ACBD4: variants seen among roughly 807,000 people sequenced by gnomAD.
The protein encoded by ACBD4 is acyl-CoA binding domain containing 4, also known as acyl-CoA-binding domain-containing protein 4.
In ACBD4, 41 loss-of-function variants were observed where a neutral mutation model predicts 46.0. The observed-to-expected ratio is 0.89, with a 90% confidence interval of 0.69 to 1.16. The LOEUF (loss-of-function observed/expected upper bound fraction) is 1.16. ACBD4 is among the 50% of genes most tolerant of loss of function. The pLI is 0.00. For synonymous variants in ACBD4, 162 were observed against 155.9 expected, an observed-to-expected ratio of 1.04 and a Z score of -0.29; for missense variants, 393 against 399.5, an observed-to-expected ratio of 0.98 and a Z score of 0.14.
At chr17:45,135,124 C>A (rs1043260185), upstream of ACBD4, among the ~76,000 whole-genome samples, 9 of 152,078 alleles carry the variant, frequency 5.9e-5, no homozygotes, top group African/African-American at 2.4e-5. Context: ...CGCCACCACG[C>A]CCGGCTAATT....
At chr17:45,134,505 G>A (rs1263025993), upstream of ACBD4, among the ~76,000 whole-genome samples, 1 of 152,214 alleles carries the variant, frequency 6.6e-6, no homozygotes, top group African/African-American at 2.4e-5. Context: ...GGCCGGGCGC[G>A]GTGGCTCACG....
chr17:45,137,714 C>T lies in ACBD4; in HGVS notation c.503-46C>T, dbSNP rs769572545. On this transcript the variant is annotated intron_variant, in intron 6 of 9. Coordinates refer to ENST00000321854, the MANE Select transcript of ACBD4 (RefSeq NM_001135705.3). ...TGCCCAGTGCACACTCCTGCTCTCC[C>T]TCCACAGCTTCCCTCTGGGCAGTAA... is the stretch of plus-strand genomic sequence containing the variant. 5 of 1,606,130 alleles carry T rather than the reference C, an allele frequency of 3.1e-6. No homozygotes were observed. The African/African-American group carries it at 4.0e-5, about 13-fold the overall frequency.
At chr17:45,137,533 TG>T in intron 6 of ACBD4, 79 bp downstream of exon 6, 1 of 1,517,492 alleles carries the variant, frequency 6.6e-7, no homozygotes, top group Non-Finnish European at 9.1e-7. Flanking sequence ...TGCCACGCTG[TG>T]CCCTCCACAG....
chr17:45,136,213 C>A lies in ACBD4; in HGVS notation c.69C>A (p.Ile23=). 2 of 1,613,508 alleles carry A rather than the reference C, an allele frequency of 1.2e-6. No individual in the cohort carries two copies. Among genetic ancestry groups the A allele is most frequent in the Non-Finnish European group, 1.7e-6 (2 of 1,179,762 alleles). Residue 23 remains isoleucine, a synonymous_variant, in exon 2 of 10, where the codon ATC becomes ATA. Coordinates refer to ENST00000321854, the MANE Select transcript of ACBD4 (RefSeq NM_001135705.3). ...AGTTCCAGGCTGCAGTGAGCGTCAT[C>A]CAGAACCTGCCCAAGAACGGTGAGG... ...QKQFQAAVSV[I]QNLPKNGSYR...
chr17:45,139,602 C>T (rs2055135835), intron 9 of ACBD4, among the ~76,000 whole-genome samples: 1 of 152,194 alleles, frequency 6.6e-6, no homozygotes, highest in Non-Finnish European at 1.5e-5. Flanking sequence ...ATCCTGGGCT[C>T]CTGCAAACTA....
chr17:45,136,920 G>A, intron 4 of ACBD4, 99 bp from the exon 5 acceptor site: 2 of 1,597,018 alleles, frequency 1.3e-6, no homozygotes, highest in Non-Finnish European at 8.6e-7. Context: ...CCTATCTTTG[G>A]CCCCTGACTG....
chr17:45,143,814 C>A lies in ACBD4; in HGVS notation c.*243C>A. 5 of 625,028 alleles carry A rather than the reference C, an allele frequency of 8.0e-6. No homozygotes were observed. Among genetic ancestry groups the A allele is most frequent in the Non-Finnish European group, 1.1e-5 (4 of 368,504 alleles). The allele number at this position is 625,028 out of a possible 1,614,324, so 38.7% of individuals were successfully genotyped here. A position where few individuals can be genotyped will look rare whatever the true frequency, so the allele number is the denominator to read the frequency against. On this transcript the variant is annotated 3_prime_UTR_variant, in exon 10 of 10. Transcript: ENST00000321854. ...CCTGGGAGGCTGCAGTTGTGGTACA[C>A]GTCCCCGGTGCTGGGTTGGCCGTGA...
intron 8 of ACBD4, 138 bp from the exon 9 acceptor site, chr17:45,138,883 G>T: frequency 1.1e-6 from 1 of 889,786 alleles, no homozygotes; most frequent in Non-Finnish European, 1.7e-6. Flanking sequence ...TACATAGATG[G>T]ACTTTGCAAG....
In ACBD4 at chr17:45,136,207, C is replaced by T. The variant is rs1290662508; in HGVS notation, c.63C>T (p.Ser21=). The T allele has an allele frequency of 1.2e-6, 2 of 1,613,552 alleles. No homozygotes were observed. The highest frequency in any genetic ancestry group is 2.2e-5 in the South Asian group (2 of 91,010). ...DCQKQFQAAV[S]VIQNLPKNGS... The stretch of plus-strand genomic sequence containing the variant: ...AGAAACAGTTCCAGGCTGCAGTGAG[C>T]GTCATCCAGAACCTGCCCAAGAACG... Residue 21 remains serine (S), a synonymous_variant, in exon 2 of 10, where the codon AGC becomes AGT. Coordinates refer to ENST00000321854, the MANE Select transcript of ACBD4 (RefSeq NM_001135705.3).
At chr17:45,134,338 G>T (rs1022426129), upstream of ACBD4, among the ~76,000 whole-genome samples, 1 of 152,212 alleles carries the variant, frequency 6.6e-6, no homozygotes, top group East Asian at 1.9e-4. Context: ...TTGGCCGGAT[G>T]CGGTGGCTCA....
chr17:45,141,595 G>A (rs2055275949), intron 9 of ACBD4, among the ~76,000 whole-genome samples: 2 of 152,104 alleles, frequency 1.3e-5, no homozygotes, highest in South Asian at 2.1e-4. Context: ...GGAGATTGAG[G>A]CTGCAGTGAA....
intron 9 of ACBD4, among the ~76,000 whole-genome samples, chr17:45,140,396 T>G (rs1374622254): frequency 2.6e-5 from 4 of 150,952 alleles, no homozygotes; most frequent in Non-Finnish European, 5.9e-5. Context: ...GTCCCCAGGA[T>G]GGTATCAATC....
At chr17:45,132,140 C>T, upstream of ACBD4, 4 of 1,154,080 alleles carry the variant, frequency 3.5e-6, no homozygotes, top group Non-Finnish European at 4.4e-6. The surrounding 1 kb of genome is among the most constrained non-coding windows in gnomAD (Gnocchi z 4.6). Context: ...CCATAGCCTC[C>T]CAGCCCCGTG....
intron 9 of ACBD4, among the ~76,000 whole-genome samples, chr17:45,139,996 G>A (rs987936409): frequency 6.6e-6 from 1 of 152,130 alleles, no homozygotes; most frequent in Non-Finnish European, 1.5e-5. Context: ...AAAGCCTGAG[G>A]TAGTGGGGGC....
Position 45,141,817 on chromosome 17 carries a change from T to C in ACBD4, c.790-1626T>C, listed in dbSNP as rs190215476. Among the ~76,000 whole-genome samples, 44 of 152,234 alleles carry C rather than the reference T, an allele frequency of 2.9e-4. No homozygotes were observed. The East Asian group carries it at 8.1e-3, about 28-fold the overall frequency. Reference sequence around the variant, plus strand: ...GTTGAAGGGGGTCTGATCCCACCATTGTAAAGTCATGTTTTCCTCCTGCAG... The same window carrying C: ...GTTGAAGGGGGTCTGATCCCACCATCGTAAAGTCATGTTTTCCTCCTGCAG... On this transcript the variant is annotated intron_variant, in intron 9 of 9. Transcript: ENST00000321854.
At position 45,137,848 on chromosome 17, in the gene ACBD4, T is replaced by TC. The variant is rs764681492; in HGVS notation, c.573+24dup. ...CTGAGCTGGTGAGCCCAGTCCCCATTCCCCCCTTTTCCCACCCCACTGTGC... is the reference window on the plus strand; with the variant it reads ...CTGAGCTGGTGAGCCCAGTCCCCATTCCCCCCCTTTTCCCACCCCACTGTGC... On this transcript the variant is annotated intron_variant, in intron 7 of 9. Coordinates refer to ENST00000321854, the MANE Select transcript of ACBD4 (RefSeq NM_001135705.3). 1.9e-6 allele frequency: 3 copies of TC among 1,611,860 alleles called. No individual in the cohort carries two copies. Among genetic ancestry groups the TC allele is most frequent in the Non-Finnish European group, 1.7e-6 (2 of 1,178,466 alleles).
rs1935763110 is a variant in ACBD4 at position 45,143,820 on chromosome 17, C to G, written c.*249C>G. ...AGGCTGCAGTTGTGGTACACGTCCC[C>G]GGTGCTGGGTTGGCCGTGACTCGGG... On this transcript the variant is annotated 3_prime_UTR_variant, in exon 10 of 10. Transcript: ENST00000321854. 2 of 611,884 alleles carry G rather than the reference C, an allele frequency of 3.3e-6. No homozygotes were observed. The highest frequency in any genetic ancestry group is 1.9e-5 in the African/African-American group (1 of 53,726). The allele number at this position is 611,884 out of a possible 1,614,324, so 37.9% of individuals were successfully genotyped here. A position where few individuals can be genotyped will look rare whatever the true frequency, so the allele number is the denominator to read the frequency against.
chr17:45,132,159 G>A (rs979243247), upstream of ACBD4: 3 of 1,198,798 alleles, frequency 2.5e-6, no homozygotes, highest in African/African-American at 4.7e-5. This position sits in a 1 kb window ranked among gnomAD's most constrained non-coding sequence, Gnocchi z 4.6. Context: ...TGCAGCCTGG[G>A]GAATCCACGA....
At chr17:45,137,264 T>C (rs2054916033) in intron 5 of ACBD4, 104 bp from the exon 6 acceptor site, 1 of 1,594,488 alleles carries the variant, frequency 6.3e-7, no homozygotes, top group African/African-American at 1.3e-5. Context: ...CCCCGAGAGG[T>C]GGATCCCAGG....
Sources: gnomAD v4.1 joint callset for allele counts (sites outside exome capture counted in the v4.1 genomes callset) on GRCh38, gnomAD v4.1.1 for gene constraint, Gnocchi (gnomAD v3.1) non-coding constraint, MANE v1.5 for transcripts, NCBI Gene and HGNC (gene_info 2026-07-23, HGNC 2026-07-21) for gene names.